Variants in IRAG1 observed in about 807,000 individuals in gnomAD.
IRAG1 encodes the protein IP3R-associated cGMP kinase substrate.
Under a neutral mutation model 106.2 loss-of-function variants are expected in IRAG1, and 62 were observed. That is an observed-to-expected ratio of 0.58 (90% CI 0.48 to 0.72). IRAG1 has a LOEUF of 0.72. Among genes scored for constraint, IRAG1 ranks in the 30% least tolerant of loss-of-function variants. The pLI, the probability that IRAG1 is intolerant of heterozygous loss-of-function variation, is 0.00. For synonymous variants in IRAG1, 462 were observed against 443.9 expected (o/e 1.04, Z -0.51); for missense variants, 1,064 against 1,140.7 (o/e 0.93, Z 0.97).
chr11:10,656,675 AT>A lies in IRAG1; in HGVS notation c.68-4494del, dbSNP rs1858952693. Among the ~76,000 whole-genome samples the A allele has an allele frequency of 2.0e-5, 3 of 152,108 alleles. No individual in the cohort carries two copies. The South Asian group carries it at 6.2e-4, about 32-fold the overall frequency. On this transcript the variant is annotated intron_variant, in intron 1 of 20. Transcript: ENST00000423302. ...TAACCCCCATGAGATAGGTTTTATT[AT>A]TTCCATTTAATATATTAAGGATCTA... is the stretch of plus-strand genomic sequence containing the variant.
At position 10,574,296 on chromosome 11, in the gene IRAG1, T is replaced by C. The variant is rs1850716516; in HGVS notation, c.*2036A>G. 1 of 152,208 alleles carries C rather than the reference T, an allele frequency of 6.6e-6. No homozygotes were observed. Among genetic ancestry groups the C allele is most frequent in the South Asian group, 2.1e-4 (1 of 4,830 alleles). 9.4% of individuals were successfully genotyped at this position (152,208 alleles called of 1,614,324 possible). On this transcript the variant is annotated 3_prime_UTR_variant, in exon 21 of 21. Coordinates refer to ENST00000423302, the MANE Select transcript of IRAG1 (RefSeq NM_130385.4). The stretch of plus-strand genomic sequence containing the variant: ...ACTGAGAAGCATGCAGCATGTCAGC[T>C]GTCCCCAGGCTGCTCTCCACCACCT...
At chr11:10,600,065 C>T (rs2134298595) in intron 15 of IRAG1, 1 of 152,358 alleles carries the variant, frequency 6.6e-6, no homozygotes. Context: ...TGTTTTCACC[C>T]CCAACCTCCA....
chr11:10,601,580 A>T lies in IRAG1; in HGVS notation c.1876-521T>A, dbSNP rs577775968. ...AACCAGGGCTGTCCAGAAAGCCCAG[A>T]CACTGCAGGTCCTCCTACCTATGTA... is the stretch of plus-strand genomic sequence containing the variant. On this transcript the variant is annotated intron_variant, in intron 14 of 20. Coordinates refer to ENST00000423302, the MANE Select transcript of IRAG1 (RefSeq NM_130385.4). 2.1e-4 allele frequency among the ~76,000 whole-genome samples: 32 copies of T among 152,340 alleles called. No individual in the cohort carries two copies. The South Asian group carries it at 4.1e-3, about 20-fold the overall frequency.
intron 15 of IRAG1, among the ~76,000 whole-genome samples, chr11:10,595,467 TTTAAAA>T (rs1481815130): frequency 6.6e-6 from 1 of 152,224 alleles, no homozygotes; most frequent in African/African-American, 2.4e-5. Flanking sequence ...TGACTTTAAA[TTTAAAA>T]TTAAACAAGC....
At chr11:10,683,255 G>A (rs1049770778) in intron 1 of IRAG1, among the ~76,000 whole-genome samples, 4 of 151,638 alleles carry the variant, frequency 2.6e-5, no homozygotes, top group African/African-American at 9.7e-5. Context: ...CCTGAAGGGT[G>A]ACACAGTTTG....
At chr11:10,618,116 TCA>T (rs1214841242) in intron 10 of IRAG1, among the ~76,000 whole-genome samples, 4 of 152,208 alleles carry the variant, frequency 2.6e-5, no homozygotes, top group African/African-American at 4.8e-5. Context: ...GACGTGTAGC[TCA>T]CACTTAGTTC....
intron 1 of IRAG1, chr11:10,658,723 AGTGCTGTGGTCAGTCCCAGGTCC>A (rs371111111): frequency 1.7e-4 from 26 of 154,526 alleles, no homozygotes; most frequent in Non-Finnish European, 2.2e-4. Context: ...GTCCCAGGTC[AGTGCTGTGGTCAGTCCCAGGTCC>A]GTGCTGTGGT....
intron 1 of IRAG1, among the ~76,000 whole-genome samples, chr11:10,656,894 C>A (rs533756106): frequency 1.3e-4 from 20 of 152,160 alleles, no homozygotes; most frequent in African/African-American, 4.3e-4. Context: ...CAGGGGAGGG[C>A]TGGAGTGAGT....
At chr11:10,677,579 C>CCTCTTCAA (rs1250986659) in intron 1 of IRAG1, among the ~76,000 whole-genome samples, 3 of 55,428 alleles carry the variant, frequency 5.4e-5, no homozygotes, top group African/African-American at 2.6e-4. Flanking sequence ...GGTCACATTT[C>CCTCTTCAA]CTCTTCACCA....
intron 1 of IRAG1, among the ~76,000 whole-genome samples, chr11:10,677,240 C>T (rs1860757442): frequency 6.6e-6 from 1 of 152,210 alleles, no homozygotes; most frequent in South Asian, 2.1e-4. Context: ...TACCTACCTG[C>T]CAGATCCACA....
In IRAG1 at chr11:10,599,502, C is replaced by A. The variant is rs111935916; in HGVS notation, c.2017+1416G>T. Among the ~76,000 whole-genome samples, 5 of 152,252 alleles carry A rather than the reference C, an allele frequency of 3.3e-5. 1 individual carries two copies. Among genetic ancestry groups the A allele is most frequent in the African/African-American group, 1.2e-4 (5 of 41,540 alleles). ...GGCCTAGGTGCATGTGGGTCAGGAGCCTTGCTGACAGATCCAAAGCTGACA... is the reference window on the plus strand; with the variant it reads ...GGCCTAGGTGCATGTGGGTCAGGAGACTTGCTGACAGATCCAAAGCTGACA... On this transcript the variant is annotated intron_variant, in intron 15 of 20. Transcript: ENST00000423302.
intron 18 of IRAG1, among the ~76,000 whole-genome samples, chr11:10,583,453 T>C (rs1851597022): frequency 6.6e-6 from 1 of 152,178 alleles, no homozygotes; most frequent in Non-Finnish European, 1.5e-5. Flanking sequence ...ACTTCTGAGT[T>C]TGAAGCGTGC....
chr11:10,680,389 G>GA (rs1319274974), intron 1 of IRAG1, among the ~76,000 whole-genome samples: 31 of 78,226 alleles, frequency 4.0e-4, no homozygotes, highest in African/African-American at 2.3e-3. Flanking sequence ...AGGAAGGAAG[G>GA]AAGGAAGGAA....
intron 1 of IRAG1, among the ~76,000 whole-genome samples, chr11:10,660,186 C>G (rs1895713): frequency 6.6e-6 from 1 of 152,122 alleles, no homozygotes; most frequent in Non-Finnish European, 1.5e-5. Context: ...TCATAAGAGT[C>G]TAATGTAATT....
At chr11:10,590,378 C>CT (rs1435307954) in intron 18 of IRAG1, among the ~76,000 whole-genome samples, 1 of 152,186 alleles carries the variant, frequency 6.6e-6, no homozygotes, top group Non-Finnish European at 1.5e-5. Context: ...AACTTCAAGA[C>CT]TAACAAATCA....
Position 10,626,162 on chromosome 11 carries a change from C to A in IRAG1, c.1172G>T (p.Arg391Leu). ...PPTVSRPPLL[R>L]GLSWDSGPEE... The stretch of plus-strand genomic sequence containing the variant: ...AGGGCCACTGTCCCAGGAGAGCCCT[C>A]GCAGCAGCGGGGGCCGGGACACAGT... Residue 391 changes from arginine to leucine, a missense_variant, in exon 9 of 21, where the codon CGA (arginine) becomes CTA (leucine). By Grantham distance (102) the Arg-to-Leu change is moderately radical (BLOSUM62 -2). Transcript: ENST00000423302. 1 of 1,539,528 alleles carries A rather than the reference C, an allele frequency of 6.5e-7. No homozygotes were observed. Among genetic ancestry groups the A allele is most frequent in the Non-Finnish European group, 8.8e-7 (1 of 1,142,804 alleles).
At chr11:10,585,210 C>A (rs987569450) in intron 18 of IRAG1, among the ~76,000 whole-genome samples, 12 of 152,126 alleles carry the variant, frequency 7.9e-5, no homozygotes, top group Admixed American at 7.9e-4. Context: ...TCACTGATCT[C>A]TAGAGAGGAA....
chr11:10,673,564 ATTAG>A (rs979546141), intron 1 of IRAG1, among the ~76,000 whole-genome samples: 32 of 152,160 alleles, frequency 2.1e-4, no homozygotes, highest in African/African-American at 7.2e-4. Context: ...ATATTCTGGA[ATTAG>A]TTAGCCATGA....
intron 1 of IRAG1, among the ~76,000 whole-genome samples, chr11:10,673,969 G>T (rs764625659): frequency 6.6e-6 from 1 of 152,106 alleles, no homozygotes; most frequent in African/African-American, 2.4e-5. Flanking sequence ...ACAGGGACAC[G>T]GGCTCAGAGA....
Sources: allele counts gnomAD v4.1 joint callset (sites outside exome capture counted in the v4.1 genomes callset), GRCh38; gene constraint gnomAD v4.1.1; transcripts MANE v1.5; gene names NCBI Gene and HGNC (gene_info 2026-07-23, HGNC 2026-07-21).